Variants in ACSM5 observed in about 807,000 individuals in gnomAD.
ACSM5 encodes acyl-CoA synthetase medium chain family member 5.
In ACSM5, 56 loss-of-function variants were observed where a neutral mutation model predicts 71.6. The observed-to-expected ratio is 0.78, with a 90% confidence interval of 0.63 to 0.98. The LOEUF is 0.98. Ranked by LOEUF, ACSM5 falls within the 50% of genes least tolerant of loss-of-function variation. ACSM5 has a pLI of 0.00. For synonymous variants in ACSM5, 285 were observed against 281.5 expected (o/e 1.01, Z -0.12); for missense variants, 723 against 726.0 (o/e 1.00, Z 0.05).
chr16:20,423,279 C>T (rs78242634), intron 5 of ACSM5, among the ~76,000 whole-genome samples: 6,764 of 152,254 alleles, frequency 0.044, 161 homozygotes, highest in South Asian at 0.061. Flanking sequence ...GCGCGTGTCC[C>T]AGGATTCAAG....
intron 2 of ACSM5, among the ~76,000 whole-genome samples, chr16:20,416,802 G>A (rs947331480): frequency 6.6e-6 from 1 of 152,152 alleles, no homozygotes; most frequent in Middle Eastern, 3.4e-3. Context: ...TCACATATTG[G>A]TTAAGGGTCT....
chr16:20,433,451 T>G lies in ACSM5; in HGVS notation c.1308+2130T>G, dbSNP rs540802129. Among the ~76,000 whole-genome samples, 16 of 152,324 alleles carry G rather than the reference T, an allele frequency of 1.1e-4. No individual in the cohort carries two copies. The South Asian group carries it at 3.3e-3, about 32-fold the overall frequency. On this transcript the variant is annotated intron_variant, in intron 10 of 13. Transcript: ENST00000331849. ...AAATTATCAAATGCACAAATATTTG[T>G]TATAGTGCTGGCTGTTTATAACAGA...
At position 20,428,238 on chromosome 16, in the gene ACSM5, C is replaced by T. The variant is rs147407378; in HGVS notation, c.1001+371C>T. On this transcript the variant is annotated intron_variant, in intron 7 of 13. Transcript: ENST00000331849. ...CAGTGTGTCTGCTACTTCTGTGAGGCGAGAGAAATGATTGGAAAATTGTTA... is the reference window on the plus strand; with the variant it reads ...CAGTGTGTCTGCTACTTCTGTGAGGTGAGAGAAATGATTGGAAAATTGTTA... 1.4e-3 allele frequency among the ~76,000 whole-genome samples: 217 copies of T among 152,290 alleles called. 2 individuals are homozygous for T. The highest frequency in any genetic ancestry group is 0.012 in the South Asian group (58 of 4,824).
chr16:20,430,626 T>C (rs1376504774), intron 8 of ACSM5, among the ~76,000 whole-genome samples: 1 of 140,822 alleles, frequency 7.1e-6, no homozygotes, highest in African/African-American at 2.7e-5. Context: ...GGGAAAAAGA[T>C]GAATGGAAGG....
At chr16:20,438,550 A>C (rs1967249109) in intron 12 of ACSM5, among the ~76,000 whole-genome samples, 1 of 151,770 alleles carries the variant, frequency 6.6e-6, no homozygotes, top group African/African-American at 2.4e-5. Context: ...TCATACCTCA[A>C]ACGTATGCCT....
At position 20,431,277 on chromosome 16, in the gene ACSM5, C is replaced by A; in HGVS notation, c.1264C>A (p.Arg422Ser). 6.2e-7 allele frequency: 1 copy of A among 1,614,098 alleles called. No individual in the cohort carries two copies. The change falls in exon 10 of 14, where the codon CGT (arginine) becomes AGT (serine). Residue 422 changes from arginine to serine, a missense_variant. By Grantham distance (110) the Arg-to-Ser change is moderately radical. Coordinates refer to ENST00000331849, the MANE Select transcript of ACSM5 (RefSeq NM_017888.3). Reference sequence around the variant, plus strand: ...TGGAGAAGAGGGGAATGTTGCCGTCCGTATCAGACCCACTCGGCCCTTCTG... The same window carrying A: ...TGGAGAAGAGGGGAATGTTGCCGTCAGTATCAGACCCACTCGGCCCTTCTG... ...PPGEEGNVAV[R>S]IRPTRPFCFF...
chr16:20,424,040 C>G lies in ACSM5; in HGVS notation c.892C>G (p.Pro298Ala). 1 of 1,614,034 alleles carries G rather than the reference C, an allele frequency of 6.2e-7. No individual in the cohort carries two copies. The highest frequency in any genetic ancestry group is 8.5e-7 in the Non-Finnish European group (1 of 1,180,002). The change falls in exon 6 of 14, where the codon CCC becomes GCC. Residue 298 changes from proline (P) to alanine (A), a missense_variant. Physicochemically the swap from Pro to Ala is conservative, Grantham distance 27 (BLOSUM62 -1). Transcript: ENST00000331849. ...NGSCIFVHELPRVDAKVILNT... is the reference protein window; with the variant it reads ...NGSCIFVHELARVDAKVILNT... ...ATCTTGCATTTTTGTGCATGAGCTG[C>G]CCCGAGTTGATGCCAAAGTTATCCT...
chr16:20,411,794 T>C, intron 2 of ACSM5, 106 bp downstream of exon 2: 4 of 1,221,624 alleles, frequency 3.3e-6, no homozygotes, highest in East Asian at 2.5e-5. Context: ...AATTTGGACC[T>C]GGGAATTTTG....
intron 7 of ACSM5, among the ~76,000 whole-genome samples, chr16:20,429,158 G>A (rs1161890262): frequency 4.6e-5 from 7 of 152,036 alleles, no homozygotes; most frequent in Non-Finnish European, 2.9e-5. Flanking sequence ...CTACAGGCAT[G>A]TGCCACCATA....
Position 20,429,675 on chromosome 16 carries a change from A to G in ACSM5, c.1002-3A>G. The G allele has an allele frequency of 6.2e-7, 1 of 1,613,874 alleles. No homozygotes were observed. The highest frequency in any genetic ancestry group is 2.2e-5 in the East Asian group (1 of 44,838). ...GGTGGCCTTGTTTTCCTGTCTGAGA[A>G]AGGTACCAGTTTCAGAGCCTGAGGC... On this transcript the variant is annotated splice_region_variant and splice_polypyrimidine_tract_variant and intron_variant, in intron 7 of 13. Transcript: ENST00000331849.
intron 4 of ACSM5, chr16:20,419,705 C>T: frequency 4.1e-6 from 2 of 493,458 alleles, no homozygotes; most frequent in Non-Finnish European, 7.4e-6. Context: ...ATTCAGAGTA[C>T]ATGAAATAAC....
chr16:20,429,664 C>T lies in ACSM5; in HGVS notation c.1002-14C>T, dbSNP rs1338536777. 1 of 1,613,780 alleles carries T rather than the reference C, an allele frequency of 6.2e-7. No individual in the cohort carries two copies. The highest frequency in any genetic ancestry group is 1.7e-5 in the Admixed American group (1 of 60,014). On this transcript the variant is annotated splice_polypyrimidine_tract_variant and intron_variant, in intron 7 of 13. Coordinates refer to ENST00000331849, the MANE Select transcript of ACSM5 (RefSeq NM_017888.3). ...ATCCTGACATAGGTGGCCTTGTTTT[C>T]CTGTCTGAGAAAGGTACCAGTTTCA...
chr16:20,416,681 C>T (rs558853066), intron 2 of ACSM5, among the ~76,000 whole-genome samples: 1 of 152,134 alleles, frequency 6.6e-6, no homozygotes, highest in African/African-American at 2.4e-5. Flanking sequence ...GCAATGGTTT[C>T]TAAAGCAAAA....
intron 5 of ACSM5, among the ~76,000 whole-genome samples, chr16:20,423,413 T>C (rs923285627): frequency 1.3e-5 from 2 of 152,258 alleles, no homozygotes; most frequent in Admixed American, 6.5e-5. Context: ...CAAGTGTCAC[T>C]TCCTCTACCA....
chr16:20,424,542 C>CG (rs1567343520), intron 6 of ACSM5, among the ~76,000 whole-genome samples: 5 of 141,814 alleles, frequency 3.5e-5, no homozygotes, highest in African/African-American at 1.6e-4. Context: ...ACCTTTCTTC[C>CG]ACCCCCCACA....
Position 20,419,607 on chromosome 16 carries a change from G to T in ACSM5, c.623+172G>T, listed in dbSNP as rs553550661. On this transcript the variant is annotated intron_variant, in intron 4 of 13. Transcript: ENST00000331849. ...CCTGGTCCCTACCTTAATGTTCAAG[G>T]TCCCTCATTCAGTCAGTGCTGGATT... 1.1e-5 allele frequency: 7 copies of T among 643,166 alleles called. No homozygotes were observed. In the African/African-American group the frequency reaches 1.3e-4, roughly 12 times the overall value. The allele number at this position is 643,166 out of a possible 1,614,324, so 39.8% of individuals were successfully genotyped here. A position where few individuals can be genotyped will look rare whatever the true frequency, so the allele number is the denominator to read the frequency against.
In ACSM5 at chr16:20,421,359, A is replaced by G; in HGVS notation, c.725A>G (p.His242Arg). 1 of 1,608,478 alleles carries G rather than the reference A, an allele frequency of 6.2e-7. No individual in the cohort carries two copies. The highest frequency in any genetic ancestry group is 1.3e-5 in the African/African-American group (1 of 74,718). The change falls in exon 5 of 14, where the codon CAC becomes CGC. Residue 242 changes from histidine to arginine, a missense_variant. By Grantham distance (29) the His-to-Arg change is conservative (BLOSUM62 0). Transcript: ENST00000331849. The part of the protein sequence containing the change: ...GTTGAPKMVE[H>R]SQSSYGLGFV... ...ACCGGGGCCCCCAAGATGGTCGAGC[A>G]CTCCCAGAGCAGCTACGGACTGGGT... is the stretch of plus-strand genomic sequence containing the variant.
intron 12 of ACSM5, among the ~76,000 whole-genome samples, 194 bp from the exon 13 acceptor site, chr16:20,439,606 C>T (rs1263942175): frequency 2.0e-5 from 3 of 151,102 alleles, no homozygotes; most frequent in African/African-American, 7.3e-5. Context: ...AAGGTCAATC[C>T]TCCTAATAGT....
chr16:20,420,425 AC>A (rs1357365112), intron 4 of ACSM5, among the ~76,000 whole-genome samples: 1 of 151,810 alleles, frequency 6.6e-6, no homozygotes, highest in Non-Finnish European at 1.5e-5. Flanking sequence ...GCATGGAGAA[AC>A]CCCGTCTCTA....
Sources: gnomAD v4.1 joint callset for allele counts (sites outside exome capture counted in the v4.1 genomes callset) on GRCh38, gnomAD v4.1.1 for gene constraint, MANE v1.5 for transcripts, NCBI Gene and HGNC (gene_info 2026-07-23, HGNC 2026-07-21) for gene names.